Variants in VWA2 observed in about 807,000 individuals in gnomAD.
VWA2 encodes the protein von Willebrand factor A domain containing 2.
VWA2 carries 73 observed loss-of-function variants against 70.4 expected under a neutral mutation model. The observed-to-expected ratio is 1.04, with a 90% CI of 0.86 to 1.26. The LOEUF (loss-of-function observed/expected upper bound fraction) is 1.26. Ranked by LOEUF, VWA2 falls within the 50% of genes most tolerant of loss-of-function variation. The probability of loss-of-function intolerance (pLI) is 0.00; values close to 1 mark genes in which losing one functional copy is unlikely to be tolerated. For missense variants in VWA2, 1,011 were observed against 998.5 expected (o/e 1.01, Z -0.17); for synonymous variants, 407 against 423.3 (o/e 0.96, Z 0.47).
At position 114,292,003 on chromosome 10, in the gene VWA2, G is replaced by A. The variant is rs472079; in HGVS notation, c.*766G>A. On this transcript the variant is annotated 3_prime_UTR_variant, in exon 14 of 14. Coordinates refer to ENST00000392982, the MANE Select transcript of VWA2 (RefSeq NM_001272046.2). ...CCTTTCAAAAGAGGCTGCGGCCAGA[G>A]ACTGTGGCTCATGCCTGTAATCCCA... is the stretch of plus-strand genomic sequence containing the variant. Among the ~76,000 whole-genome samples the A allele has an allele frequency of 0.085, 12,973 of 152,240 alleles. 1,394 individuals carry two copies. Among genetic ancestry groups the A allele is most frequent in the African/African-American group, 0.25 (10,527 of 41,522 alleles).
At position 114,286,512 on chromosome 10, in the gene VWA2, G is replaced by A. The variant is rs765843446; in HGVS notation, c.1570+1G>A. On this transcript the variant is annotated splice_donor_variant, in intron 11 of 13. Transcript: ENST00000392982. LOFTEE classifies it high-confidence loss of function. ...AAGCTGTGCAGCCGGCAGCGGCCAG[G>A]TAAGGTCCCAGTGCCTGACCCAGGA... 3.2e-6 allele frequency: 5 copies of A among 1,559,794 alleles called. No homozygotes were observed. The highest frequency in any genetic ancestry group is 4.3e-6 in the Non-Finnish European group (5 of 1,150,686).
rs570510812 is a variant in VWA2, at chr10:114,246,505, CAAAAA to C, written c.-10-2183_-10-2179del. The stretch of plus-strand genomic sequence containing the variant: ...AACAAGAGTGAAAGAAACTCCATCT[CAAAAA>C]AAAAAAAAAAAAAAACGAGTATCAT... On this transcript the variant is annotated intron_variant, in intron 1 of 13. Transcript: ENST00000392982. 979 of 384,310 alleles carry C rather than the reference CAAAAA, an allele frequency of 2.5e-3. 3 individuals are homozygous for C. The highest frequency in any genetic ancestry group is 3.7e-3 in the African/African-American group (81 of 21,622). 23.8% of individuals were successfully genotyped at this position (384,310 alleles called of 1,614,324 possible).
At chr10:114,254,800 C>G in intron 3 of VWA2, 115 bp from the exon 4 acceptor site, 1 of 1,411,544 alleles carries the variant, frequency 7.1e-7, no homozygotes, top group Non-Finnish European at 9.7e-7. Flanking sequence ...TCTCCCCTTT[C>G]ATGCTAAGAG....
chr10:114,254,824 GC>G, intron 3 of VWA2, 90 bp from the exon 4 acceptor site: 1 of 1,534,290 alleles, frequency 6.5e-7, no homozygotes. Context: ...CAGCAGCCTG[GC>G]CCACCACAAG....
intron 1 of VWA2, among the ~76,000 whole-genome samples, chr10:114,244,078 G>A (rs1463750694): frequency 6.6e-6 from 1 of 152,244 alleles, no homozygotes; most frequent in East Asian, 1.9e-4. Context: ...TGGGTGGTCT[G>A]TTCCAGCCCC....
intron 5 of VWA2, among the ~76,000 whole-genome samples, chr10:114,268,670 T>A (rs2037628198): frequency 6.6e-6 from 1 of 151,494 alleles, no homozygotes; most frequent in Admixed American, 6.6e-5. Flanking sequence ...CTTCCTGGAG[T>A]AAGCGGAGGG....
intron 4 of VWA2, among the ~76,000 whole-genome samples, chr10:114,258,082 A>G (rs144601749): frequency 4.9e-4 from 74 of 152,320 alleles, no homozygotes; most frequent in African/African-American, 1.7e-3. Context: ...TAAGTGAATT[A>G]GTGTCTTGAC....
At chr10:114,267,282 A>G (rs185162198) in intron 5 of VWA2, among the ~76,000 whole-genome samples, 1,690 of 151,460 alleles carry the variant, frequency 0.011, 33 homozygotes, top group African/African-American at 0.039. Context: ...ATGCCCGGCT[A>G]ATTTTTGTAT....
At chr10:114,250,047 C>T (rs760553673) in intron 2 of VWA2, among the ~76,000 whole-genome samples, 3 of 152,162 alleles carry the variant, frequency 2.0e-5, no homozygotes, top group Non-Finnish European at 4.4e-5. Flanking sequence ...CAAACTCCTC[C>T]CCATCCTTAG....
At chr10:114,260,811 T>C (rs2037429113) in intron 4 of VWA2, among the ~76,000 whole-genome samples, 1 of 152,144 alleles carries the variant, frequency 6.6e-6, no homozygotes, top group African/African-American at 2.4e-5. Context: ...TTAAATGAGA[T>C]AGTGCCTGAA....
intron 1 of VWA2, among the ~76,000 whole-genome samples, chr10:114,245,403 T>C (rs1026115305): frequency 3.5e-4 from 53 of 152,292 alleles, no homozygotes; most frequent in African/African-American, 1.3e-3. Context: ...CCAGAATCCT[T>C]GTTTTATAAA....
In VWA2 at chr10:114,284,761, C is replaced by G. The variant is rs138491731; in HGVS notation, c.890-102C>G. ...ACTGTGGGGGAAGGGAGGGGCTGGGCCACTGCTAGAGCAGGAAGCCAGCTG... is the reference window on the plus strand; with the variant it reads ...ACTGTGGGGGAAGGGAGGGGCTGGGGCACTGCTAGAGCAGGAAGCCAGCTG... On this transcript the variant is annotated intron_variant, in intron 9 of 13. Coordinates refer to ENST00000392982, the MANE Select transcript of VWA2 (RefSeq NM_001272046.2). 4.6e-6 allele frequency: 5 copies of G among 1,097,632 alleles called. No homozygotes were observed. In the African/African-American group the frequency reaches 6.5e-5, roughly 14 times the overall value. The allele number at this position is 1,097,632 out of a possible 1,614,324, so 68.0% of individuals were successfully genotyped here. A position where few individuals can be genotyped will look rare whatever the true frequency, so the allele number is the denominator to read the frequency against.
chr10:114,291,134 A>G (rs1361588239), intron 13 of VWA2, 84 bp from the exon 14 acceptor site: 1 of 1,491,738 alleles, frequency 6.7e-7, no homozygotes, highest in Non-Finnish European at 9.1e-7. Flanking sequence ...TAAGAGCAGG[A>G]CCTGAAGGGG....
In VWA2 at chr10:114,293,663, G is replaced by A. The variant is rs2039808800; in HGVS notation, c.*2426G>A. Among the ~76,000 whole-genome samples the A allele has an allele frequency of 6.6e-6, 1 of 152,002 alleles. No individual in the cohort carries two copies. The highest frequency in any genetic ancestry group is 2.1e-4 in the South Asian group (1 of 4,798). ...AATAAGACAGAAATATATTTTCCTT[G>A]CAATAATTAAAACATTGCATATAGG... On this transcript the variant is annotated 3_prime_UTR_variant, in exon 14 of 14. Coordinates refer to ENST00000392982, the MANE Select transcript of VWA2 (RefSeq NM_001272046.2).
rs1298596033 is a variant in VWA2 at position 114,291,846 on chromosome 10, T to C, written c.*609T>C. 6.6e-6 allele frequency among the ~76,000 whole-genome samples: 1 copy of C among 152,208 alleles called. No individual in the cohort carries two copies. The highest frequency in any genetic ancestry group is 1.9e-4 in the East Asian group (1 of 5,192). On this transcript the variant is annotated 3_prime_UTR_variant, in exon 14 of 14. Transcript: ENST00000392982. Reference sequence around the variant, plus strand: ...TGTGTGGAAGAGACTTGGAAAGGTCTCAGACTGAAATGTGACCAATTAACC... The same window carrying C: ...TGTGTGGAAGAGACTTGGAAAGGTCCCAGACTGAAATGTGACCAATTAACC...
At chr10:114,263,916 A>C (rs1244030537) in intron 5 of VWA2, among the ~76,000 whole-genome samples, 1 of 152,246 alleles carries the variant, frequency 6.6e-6, no homozygotes, top group Non-Finnish European at 1.5e-5. Flanking sequence ...AAGATTGTCA[A>C]CATCATTAAC....
chr10:114,291,683 T>G lies in VWA2; in HGVS notation c.*446T>G, dbSNP rs559917570. On this transcript the variant is annotated 3_prime_UTR_variant, in exon 14 of 14. Transcript: ENST00000392982. ...AGCAGAGGCCTTTACTAGAGCATCCTTTGGACGGCGAAGGCCACGGCCTTT... is the reference window on the plus strand; with the variant it reads ...AGCAGAGGCCTTTACTAGAGCATCCGTTGGACGGCGAAGGCCACGGCCTTT... 2.0e-5 allele frequency among the ~76,000 whole-genome samples: 3 copies of G among 152,338 alleles called. No individual in the cohort carries two copies. The South Asian group carries it at 6.2e-4, about 32-fold the overall frequency.
intron 8 of VWA2, among the ~76,000 whole-genome samples, chr10:114,281,986 A>G (rs1436009677): frequency 6.6e-6 from 1 of 150,578 alleles, no homozygotes; most frequent in East Asian, 1.9e-4. Flanking sequence ...GGATGTCCCT[A>G]ATTTCAAATG....
rs1320902338 is a variant in VWA2, at chr10:114,261,188, C to CA, written c.265dup (p.Arg89LysfsTer71). On this transcript the variant is annotated frameshift_variant, in exon 5 of 14. Coordinates refer to ENST00000392982, the MANE Select transcript of VWA2 (RefSeq NM_001272046.2). LOFTEE classifies it high-confidence loss of function. ...GAGCCCCCTGTCTCCTACTGCAGGT[C>CA]AGAGTGGGAGCATTCCAGTTCAGTT... The CA allele has an allele frequency of 1.2e-6, 2 of 1,610,880 alleles. No individual in the cohort carries two copies. The highest frequency in any genetic ancestry group is 2.7e-5 in the African/African-American group (2 of 74,864).
Sources: allele counts gnomAD v4.1 joint callset (sites outside exome capture counted in the v4.1 genomes callset), GRCh38; gene constraint gnomAD v4.1.1; transcripts MANE v1.5; gene names NCBI Gene and HGNC (gene_info 2026-07-23, HGNC 2026-07-21).